KIAA1328: variants seen among roughly 807,000 people sequenced by gnomAD.
KIAA1328 encodes the protein KIAA1328, also known as protein hinderin.
In KIAA1328, 52 loss-of-function variants were observed where a neutral mutation model predicts 68.1. That is an observed-to-expected ratio of 0.76 (90% CI 0.61 to 0.96). KIAA1328 has a LOEUF of 0.96. Among genes scored for constraint, KIAA1328 ranks in the 40% least tolerant of loss-of-function variants. The probability of loss-of-function intolerance (pLI) is 0.00; values close to 1 mark genes in which losing one functional copy is unlikely to be tolerated. For synonymous variants in KIAA1328, 232 were observed against 239.4 expected (o/e 0.97, Z 0.28); for missense variants, 641 against 677.6 (o/e 0.95, Z 0.60).
At chr18:37,196,297 T>A (rs1335748863) in intron 9 of KIAA1328, among the ~76,000 whole-genome samples, 2 of 152,170 alleles carry the variant, frequency 1.3e-5, no homozygotes, top group African/African-American at 4.8e-5. Context: ...GTCTAATTGC[T>A]CTGGCTAAGA....
chr18:36,893,120 G>T (rs916218781), intron 5 of KIAA1328, among the ~76,000 whole-genome samples: 1 of 151,868 alleles, frequency 6.6e-6, no homozygotes, highest in Non-Finnish European at 1.5e-5. Context: ...GAGTCTCTAG[G>T]GGTTAAGTTA....
intron 4 of KIAA1328, among the ~76,000 whole-genome samples, chr18:36,849,527 T>A (rs2047143947): frequency 6.6e-6 from 1 of 152,074 alleles, no homozygotes; most frequent in Admixed American, 6.6e-5. Context: ...ATATGGGGCC[T>A]ATTCTGTCCA....
At chr18:37,146,251 C>T (rs1336577467) in intron 7 of KIAA1328, among the ~76,000 whole-genome samples, 5 of 152,042 alleles carry the variant, frequency 3.3e-5, no homozygotes, top group African/African-American at 4.8e-5. Flanking sequence ...CGTCCTGCAC[C>T]CTCAAGTAGG....
chr18:37,147,776 C>T (rs918947581), intron 7 of KIAA1328, among the ~76,000 whole-genome samples: 1 of 152,034 alleles, frequency 6.6e-6, no homozygotes, highest in Non-Finnish European at 1.5e-5. Context: ...TAAAATTTCT[C>T]GTAGTATTGC....
chr18:37,065,293 T>G (rs2056303767), intron 6 of KIAA1328, among the ~76,000 whole-genome samples: 1 of 152,146 alleles, frequency 6.6e-6, no homozygotes, highest in South Asian at 2.1e-4. Context: ...AGAGGAAGTG[T>G]TAGTGGAAGC....
At chr18:36,888,770 A>G (rs759674178) in intron 5 of KIAA1328, among the ~76,000 whole-genome samples, 1 of 152,198 alleles carries the variant, frequency 6.6e-6, no homozygotes, top group Non-Finnish European at 1.5e-5. Context: ...ACTTAGAAAC[A>G]TAAAACAAGG....
intron 4 of KIAA1328, among the ~76,000 whole-genome samples, chr18:36,848,698 G>T (rs2047115742): frequency 6.6e-6 from 1 of 150,952 alleles, no homozygotes; most frequent in Admixed American, 6.6e-5. Context: ...TTTTTTAATA[G>T]ATGTTCTTTA....
At chr18:36,829,339 G>A in intron 1 of KIAA1328, 143 bp downstream of exon 1, 1 of 1,392,346 alleles carries the variant, frequency 7.2e-7, no homozygotes. Flanking sequence ...CCCAGTCTAG[G>A]TGCTGGGCTC....
At chr18:36,917,196 A>C (rs1200353809) in intron 5 of KIAA1328, among the ~76,000 whole-genome samples, 1 of 152,082 alleles carries the variant, frequency 6.6e-6, no homozygotes, top group Non-Finnish European at 1.5e-5. Flanking sequence ...TCTCCTCCAT[A>C]TTATGAATGA....
At chr18:37,110,084 T>C (rs922938413) in intron 7 of KIAA1328, among the ~76,000 whole-genome samples, 5 of 151,948 alleles carry the variant, frequency 3.3e-5, no homozygotes, top group African/African-American at 9.7e-5. Context: ...TTTTTCAACA[T>C]TTTTTTCGAG....
At chr18:37,020,006 C>T (rs111308378) in intron 6 of KIAA1328, among the ~76,000 whole-genome samples, 199 of 152,250 alleles carry the variant, frequency 1.3e-3, no homozygotes, top group African/African-American at 4.6e-3. Context: ...GCTCCAAATG[C>T]GTGGAGATCT....
At chr18:36,901,069 C>A (rs1049300395) in intron 5 of KIAA1328, among the ~76,000 whole-genome samples, 1 of 151,990 alleles carries the variant, frequency 6.6e-6, no homozygotes, top group African/African-American at 2.4e-5. Context: ...TGATAAATAT[C>A]ATGTTCCTTA....
intron 6 of KIAA1328, among the ~76,000 whole-genome samples, chr18:37,019,073 T>C: frequency 6.6e-6 from 1 of 152,224 alleles, no homozygotes; most frequent in African/African-American, 2.4e-5. Flanking sequence ...TTTTTTGTAA[T>C]TATTTTTGTG....
chr18:37,115,631 T>G (rs1382889365), intron 7 of KIAA1328, among the ~76,000 whole-genome samples: 3 of 152,118 alleles, frequency 2.0e-5, no homozygotes, highest in African/African-American at 7.2e-5. Context: ...CTCTCACCAC[T>G]CCTGTTCAAC....
chr18:37,086,764 G>A (rs2057116851), intron 7 of KIAA1328, among the ~76,000 whole-genome samples: 1 of 152,106 alleles, frequency 6.6e-6, no homozygotes, highest in Admixed American at 6.5e-5. Flanking sequence ...TTCTAGTATT[G>A]CCATTAAGAA....
At chr18:36,953,423 GATAGAT>G (rs1568208470) in intron 5 of KIAA1328, among the ~76,000 whole-genome samples, 33 of 146,596 alleles carry the variant, frequency 2.3e-4, no homozygotes, top group African/African-American at 8.2e-4. Flanking sequence ...GATAGATAGA[GATAGAT>G]AGATATATAA....
intron 5 of KIAA1328, among the ~76,000 whole-genome samples, chr18:36,953,995 CTTTTTT>C (rs71168249): frequency 4.4e-5 from 5 of 113,542 alleles, no homozygotes; most frequent in Non-Finnish European, 8.7e-5. Flanking sequence ...CTGATTGTTT[CTTTTTT>C]TTTTTTTTTT....
At chr18:37,052,058 C>G (rs1046574731) in intron 6 of KIAA1328, among the ~76,000 whole-genome samples, 1 of 151,130 alleles carries the variant, frequency 6.6e-6, no homozygotes, top group African/African-American at 2.4e-5. Flanking sequence ...AAAAAAACTA[C>G]AGGCCAGTAT....
At chr18:37,137,503 A>G (rs1220714286) in intron 7 of KIAA1328, among the ~76,000 whole-genome samples, 1 of 152,144 alleles carries the variant, frequency 6.6e-6, no homozygotes, top group Non-Finnish European at 1.5e-5. Flanking sequence ...AACTAAAACC[A>G]TGCTCCGATG....
Sources: allele counts gnomAD v4.1 joint callset (sites outside exome capture counted in the v4.1 genomes callset), GRCh38; gene constraint gnomAD v4.1.1; transcripts MANE v1.5; gene names NCBI Gene and HGNC (gene_info 2026-07-23, HGNC 2026-07-21).